SIPA1L2: variants seen among roughly 807,000 people sequenced by gnomAD.
The protein encoded by SIPA1L2 is signal induced proliferation associated 1 like 2.
A neutral mutation model predicts 163.9 loss-of-function variants in SIPA1L2; 56 were observed. The ratio of observed to expected loss-of-function variants is 0.34; its 90% CI spans 0.28 to 0.43. The LOEUF is 0.43. Among genes scored for constraint, SIPA1L2 ranks in the 20% least tolerant of loss-of-function variants. The pLI is 1.00. For missense variants in SIPA1L2, 1,974 were observed against 2,193.5 expected (o/e 0.90, Z 2.00); for synonymous variants, 877 against 865.7 (o/e 1.01, Z -0.23).
At chr1:232,546,507 G>A (rs766081112) in intron 2 of SIPA1L2, among the ~76,000 whole-genome samples, 8 of 152,154 alleles carry the variant, frequency 5.3e-5, no homozygotes, top group Non-Finnish European at 1.2e-4. Context: ...TGGCATACAG[G>A]GTATCAGACA....
At chr1:232,554,968 A>G (rs1658611198) in intron 2 of SIPA1L2, among the ~76,000 whole-genome samples, 1 of 151,336 alleles carries the variant, frequency 6.6e-6, no homozygotes. Flanking sequence ...CTTCCTTACA[A>G]TAACTGTCCA....
At chr1:232,602,676 G>A (rs1661666816) in intron 1 of SIPA1L2, among the ~76,000 whole-genome samples, 1 of 152,190 alleles carries the variant, frequency 6.6e-6, no homozygotes, top group African/African-American at 2.4e-5. Context: ...CTAGATGACT[G>A]TTTCCACGCA....
intron 19 of SIPA1L2, among the ~76,000 whole-genome samples, chr1:232,410,810 T>C (rs1281714007): frequency 1.3e-5 from 2 of 152,130 alleles, no homozygotes; most frequent in Admixed American, 6.6e-5. Flanking sequence ...AAAATCTCTA[T>C]GTCTCTTTTT....
chr1:232,399,380 T>G, intron 22 of SIPA1L2, 107 bp from the exon 23 acceptor site: 1 of 1,269,910 alleles, frequency 7.9e-7, no homozygotes, highest in Non-Finnish European at 1.1e-6. Flanking sequence ...TATGTACTTT[T>G]TGAGGGGAGA....
intron 2 of SIPA1L2, among the ~76,000 whole-genome samples, chr1:232,558,105 A>C (rs789651): frequency 0.15 from 22,510 of 152,168 alleles, 3,060 homozygotes; most frequent in East Asian, 0.55. Context: ...TTTATCTCAC[A>C]CAGTGAAACC....
intron 1 of SIPA1L2, among the ~76,000 whole-genome samples, chr1:232,621,611 G>A (rs1237019838): frequency 3.3e-5 from 5 of 152,168 alleles, no homozygotes; most frequent in African/African-American, 1.2e-4. Flanking sequence ...ATACATGAGA[G>A]AACACAAATG....
At chr1:232,461,199 C>A in intron 9 of SIPA1L2, 38 bp from the exon 10 acceptor site, 1 of 1,595,614 alleles carries the variant, frequency 6.3e-7, no homozygotes, top group Non-Finnish European at 8.5e-7. Flanking sequence ...GCCCTTCCTG[C>A]CCAAGCTGCC....
chr1:232,432,166 C>T, intron 16 of SIPA1L2, 81 bp downstream of exon 16: 6 of 1,137,916 alleles, frequency 5.3e-6, no homozygotes, highest in African/African-American at 1.6e-5. Context: ...AAATACATTT[C>T]CTTTGGGAGG....
intron 1 of SIPA1L2, among the ~76,000 whole-genome samples, chr1:232,595,475 C>G (rs61826621): frequency 0.13 from 20,501 of 152,230 alleles, 1,576 homozygotes; most frequent in Middle Eastern, 0.24. Context: ...GCTGTCACTG[C>G]TGCACCGGGC....
At chr1:232,440,308 G>A (rs1426897740) in intron 14 of SIPA1L2, among the ~76,000 whole-genome samples, 1 of 152,194 alleles carries the variant, frequency 6.6e-6, no homozygotes, top group Non-Finnish European at 1.5e-5. Flanking sequence ...AAGGGCTTTG[G>A]AATCATAAGA....
chr1:232,455,748 C>T (rs1026578212), intron 10 of SIPA1L2, among the ~76,000 whole-genome samples: 2 of 149,236 alleles, frequency 1.3e-5, no homozygotes, highest in African/African-American at 5.0e-5. Flanking sequence ...ATTCCATATA[C>T]ACCATGGAAT....
chr1:232,550,956 G>A (rs553310084), intron 2 of SIPA1L2, among the ~76,000 whole-genome samples: 2 of 152,296 alleles, frequency 1.3e-5, no homozygotes, highest in African/African-American at 4.8e-5. Flanking sequence ...AACAGAAACA[G>A]TGGACTGGGA....
At chr1:232,480,154 C>CGTGTGTGTGCGT (rs1553296473) in intron 6 of SIPA1L2, among the ~76,000 whole-genome samples, 5 of 132,740 alleles carry the variant, frequency 3.8e-5, no homozygotes, top group African/African-American at 1.5e-4. Context: ...TGTGTGTGTG[C>CGTGTGTGTGCGT]GTGTGTGTGT....
chr1:232,472,450 A>G (rs1664846473), intron 7 of SIPA1L2, among the ~76,000 whole-genome samples: 1 of 152,236 alleles, frequency 6.6e-6, no homozygotes, highest in African/African-American at 2.4e-5. Context: ...CCCAATACAC[A>G]TTTGTTTAAC....
At chr1:232,470,682 A>C (rs766100436) in intron 8 of SIPA1L2, among the ~76,000 whole-genome samples, 8 of 152,196 alleles carry the variant, frequency 5.3e-5, no homozygotes, top group Non-Finnish European at 1.0e-4. Context: ...CAACATACTG[A>C]AGTAGGTACT....
chr1:232,613,817 C>G (rs997030330), intron 1 of SIPA1L2, among the ~76,000 whole-genome samples: 1 of 152,172 alleles, frequency 6.6e-6, no homozygotes, highest in Admixed American at 6.5e-5. Context: ...TTCTAACCCA[C>G]AGAACACACC....
At chr1:232,605,518 A>T (rs1661864802) in intron 1 of SIPA1L2, among the ~76,000 whole-genome samples, 2 of 152,282 alleles carry the variant, frequency 1.3e-5, no homozygotes, top group African/African-American at 4.8e-5. Flanking sequence ...AACACGGTGA[A>T]ACTCTGTCTC....
chr1:232,489,864 T>C (rs1358595896), intron 5 of SIPA1L2, among the ~76,000 whole-genome samples: 2 of 152,206 alleles, frequency 1.3e-5, no homozygotes, highest in Non-Finnish European at 2.9e-5. Flanking sequence ...CTATGAGTTA[T>C]TTTGCACCTG....
Position 232,456,801 on chromosome 1 carries a change from T to C in SIPA1L2, c.3095+4086A>G, listed in dbSNP as rs6657393. On this transcript the variant is annotated intron_variant, in intron 10 of 22. Coordinates refer to ENST00000674635, the MANE Select transcript of SIPA1L2 (RefSeq NM_020808.5). ...CTCTTCATCTTTGCCACAGAGACTG[T>C]CTGCTTGAGAAACACCCTGGTTCCC... Among the ~76,000 whole-genome samples the C allele has an allele frequency of 6.6e-3, 1,004 of 152,270 alleles. 12 individuals carry two copies. Among genetic ancestry groups the C allele is most frequent in the African/African-American group, 0.021 (859 of 41,556 alleles).
Sources: allele counts gnomAD v4.1 joint callset (sites outside exome capture counted in the v4.1 genomes callset), GRCh38; gene constraint gnomAD v4.1.1; transcripts MANE v1.5; gene names NCBI Gene and HGNC (gene_info 2026-07-23, HGNC 2026-07-21).